NXPE4: variants seen among roughly 807,000 people sequenced by gnomAD.
NXPE4 encodes NXPE family member 4.
Under a neutral mutation model 33.3 loss-of-function variants are expected in NXPE4, and 42 were observed. The ratio of observed to expected loss-of-function variants is 1.26; its 90% CI spans 0.98 to 1.63. The LOEUF is 1.63. Among genes scored for constraint, NXPE4 ranks in the 40% most tolerant of loss-of-function variants. NXPE4 has a pLI of 0.00. For missense variants in NXPE4, 709 were observed against 647.6 expected (o/e 1.09, Z -1.03); for synonymous variants, 253 against 234.9 (o/e 1.08, Z -0.71).
chr11:114,631,901 C>T, the NXPE4 span, among the ~76,000 whole-genome samples: 2 of 151,390 alleles, frequency 1.3e-5, no homozygotes, highest in East Asian at 1.9e-4. Context: ...TAAGTATTGC[C>T]TCGTGGGTCA....
the NXPE4 span, among the ~76,000 whole-genome samples, chr11:114,668,468 T>A: frequency 0.87 from 131,824 of 151,900 alleles, 57,786 homozygotes; most frequent in East Asian, 0.92. Flanking sequence ...CAAACAAAAA[T>A]TTGTGACAAG....
chr11:114,652,772 G>T, the NXPE4 span, among the ~76,000 whole-genome samples: 2 of 152,192 alleles, frequency 1.3e-5, no homozygotes, highest in African/African-American at 4.8e-5. Context: ...TGAGACTCTG[G>T]GGTTGGCAGA....
the NXPE4 span, among the ~76,000 whole-genome samples, chr11:114,632,157 T>G: frequency 7.0e-6 from 1 of 142,934 alleles, no homozygotes; most frequent in Non-Finnish European, 1.5e-5. Context: ...ATGTTATAAA[T>G]AAAATTTATC....
the NXPE4 span, among the ~76,000 whole-genome samples, chr11:114,606,643 C>A: frequency 6.6e-6 from 1 of 151,430 alleles, no homozygotes; most frequent in Non-Finnish European, 1.5e-5. Context: ...TCGTGGGAAA[C>A]CAGTGTTACT....
chr11:114,668,478 G>A, the NXPE4 span, among the ~76,000 whole-genome samples: 1 of 151,898 alleles, frequency 6.6e-6, no homozygotes, highest in Non-Finnish European at 1.5e-5. Context: ...TTTGTGACAA[G>A]CACTATTTAT....
the NXPE4 span, among the ~76,000 whole-genome samples, chr11:114,632,141 TTTA>T: frequency 9.1e-5 from 13 of 143,646 alleles, no homozygotes; most frequent in Middle Eastern, 3.6e-3. Flanking sequence ...TATATTATAA[TTTA>T]TTATGTTATA....
intron 5 of NXPE4, among the ~76,000 whole-genome samples, chr11:114,571,900 G>A (rs1456624634): frequency 1.3e-5 from 2 of 152,222 alleles, no homozygotes; most frequent in African/African-American, 2.4e-5. Context: ...GACAGCAGCT[G>A]ATGTGCTCTT....
chr11:114,590,319 C>T (rs1210914095), intron 2 of NXPE4, among the ~76,000 whole-genome samples: 1 of 152,128 alleles, frequency 6.6e-6, no homozygotes, highest in African/African-American at 2.4e-5. Context: ...GGTAAAGTAC[C>T]TTGGTTTAGT....
chr11:114,602,090 T>G, the NXPE4 span, among the ~76,000 whole-genome samples: 1 of 98,306 alleles, frequency 1.0e-5, no homozygotes, highest in Non-Finnish European at 1.8e-5. Context: ...TTTTATTATA[T>G]ATAACATATA....
chr11:114,645,225 C>G, the NXPE4 span, among the ~76,000 whole-genome samples: 10 of 152,040 alleles, frequency 6.6e-5, no homozygotes, highest in African/African-American at 2.4e-4. Context: ...CACTTGAACC[C>G]GAGAGGCAGA....
chr11:114,639,242 A>C, the NXPE4 span, among the ~76,000 whole-genome samples: 1 of 151,990 alleles, frequency 6.6e-6, no homozygotes, highest in Non-Finnish European at 1.5e-5. Context: ...GCAATCAGCG[A>C]GACTCTGTGG....
the NXPE4 span, among the ~76,000 whole-genome samples, chr11:114,640,856 C>T: frequency 3.9e-5 from 6 of 151,934 alleles, no homozygotes; most frequent in Non-Finnish European, 8.8e-5. Context: ...GGATATTAGT[C>T]ATTTGTCAAA....
At chr11:114,616,394 C>T in the NXPE4 span, among the ~76,000 whole-genome samples, 1 of 151,426 alleles carries the variant, frequency 6.6e-6, no homozygotes, top group Non-Finnish European at 1.5e-5. Flanking sequence ...ATAATTGTTG[C>T]CTCGTGGGTA....
chr11:114,573,713 A>G (rs1175290487), intron 5 of NXPE4, among the ~76,000 whole-genome samples: 3 of 152,132 alleles, frequency 2.0e-5, no homozygotes, highest in Non-Finnish European at 4.4e-5. Flanking sequence ...CCAAATTTAC[A>G]AAACATTACT....
the NXPE4 span, among the ~76,000 whole-genome samples, chr11:114,663,031 G>A: frequency 6.6e-6 from 1 of 152,128 alleles, no homozygotes. Context: ...CTCTTATACG[G>A]CATTTCTGGT....
At chr11:114,659,986 G>C in the NXPE4 span, among the ~76,000 whole-genome samples, 2 of 152,016 alleles carry the variant, frequency 1.3e-5, no homozygotes, top group East Asian at 1.9e-4. Flanking sequence ...AGATATAACA[G>C]ACATTAGACT....
the NXPE4 span, among the ~76,000 whole-genome samples, chr11:114,657,661 T>G: frequency 2.0e-5 from 3 of 152,196 alleles, no homozygotes. Context: ...TTCTTTATAA[T>G]TTTTATATTT....
At chr11:114,658,503 G>C in the NXPE4 span, among the ~76,000 whole-genome samples, 3 of 152,280 alleles carry the variant, frequency 2.0e-5, no homozygotes, top group African/African-American at 7.2e-5. Flanking sequence ...CAGGCCTGGA[G>C]GGGGAGGGTA....
rs1948867900 is a variant in NXPE4 at position 114,570,825 on chromosome 11, A to T, written c.*113T>A. On this transcript the variant is annotated 3_prime_UTR_variant, in exon 6 of 6. Transcript: ENST00000375478. Reference sequence around the variant, plus strand: ...GGCTTATGGATCAGCCATAATGTAGATTCTCTGCTCTTGCTAGTTGGGAAT... The same window carrying T: ...GGCTTATGGATCAGCCATAATGTAGTTTCTCTGCTCTTGCTAGTTGGGAAT... 2 of 682,126 alleles carry T rather than the reference A, an allele frequency of 2.9e-6. No individual in the cohort carries two copies. The highest frequency in any genetic ancestry group is 3.6e-5 in the African/African-American group (2 of 55,264). 42.3% of individuals were successfully genotyped at this position (682,126 alleles called of 1,614,324 possible).
Sources: allele counts gnomAD v4.1 joint callset (sites outside exome capture counted in the v4.1 genomes callset), GRCh38; gene constraint gnomAD v4.1.1; transcripts MANE v1.5; gene names NCBI Gene and HGNC (gene_info 2026-07-23, HGNC 2026-07-21).